The following PLEKHH2 variants were observed in gnomAD, a reference collection of about 807,000 sequenced individuals.
The protein encoded by PLEKHH2 is pleckstrin homology domain-containing family H member 2.
In PLEKHH2, 129 loss-of-function variants were observed where a neutral mutation model predicts 187.9. The observed-to-expected ratio is 0.69, with a 90% CI of 0.59 to 0.79. The LOEUF is 0.79. Among genes scored for constraint, PLEKHH2 ranks in the 30% least tolerant of loss-of-function variants. The probability of loss-of-function intolerance (pLI) is 0.00; values close to 1 mark genes in which losing one functional copy is unlikely to be tolerated. For synonymous variants in PLEKHH2, 686 were observed against 605.6 expected (o/e 1.13, Z -1.95); for missense variants, 2,076 against 1,751.2 (o/e 1.19, Z -3.31).
intron 24 of PLEKHH2, among the ~76,000 whole-genome samples, chr2:43,751,910 G>A (rs955883216): frequency 6.8e-6 from 1 of 146,826 alleles, no homozygotes; most frequent in African/African-American, 2.6e-5. Flanking sequence ...GTCCAGTATT[G>A]TTTCTCTCTC....
At chr2:43,754,828 T>C (rs1572665551) in intron 25 of PLEKHH2, among the ~76,000 whole-genome samples, 1 of 152,050 alleles carries the variant, frequency 6.6e-6, no homozygotes, top group African/African-American at 2.4e-5. Context: ...CAGATCTTTT[T>C]TCTTCAGTTC....
intron 2 of PLEKHH2, among the ~76,000 whole-genome samples, chr2:43,650,739 G>A (rs952003838): frequency 2.0e-5 from 3 of 151,214 alleles, no homozygotes; most frequent in Non-Finnish European, 4.4e-5. Context: ...TCCACCTCCC[G>A]GGTTCAAGCA....
chr2:43,681,022 C>G, intron 3 of PLEKHH2: 1 of 1,277,722 alleles, frequency 7.8e-7, no homozygotes, highest in Non-Finnish European at 1.1e-6. Flanking sequence ...CCTGTTCCCT[C>G]AGAATGCCAA....
chr2:43,763,343 T>C (rs1460385064), intron 28 of PLEKHH2, among the ~76,000 whole-genome samples: 3 of 152,214 alleles, frequency 2.0e-5, no homozygotes, highest in Admixed American at 2.0e-4. Flanking sequence ...CTGCTCAGTC[T>C]TGCAAGGTAA....
chr2:43,697,973 A>G (rs1669170111), intron 7 of PLEKHH2, among the ~76,000 whole-genome samples: 1 of 152,144 alleles, frequency 6.6e-6, no homozygotes, highest in African/African-American at 2.4e-5. Flanking sequence ...AAAAAAGAAA[A>G]AATCCATCTA....
At chr2:43,655,252 T>A (rs1249745306) in intron 2 of PLEKHH2, among the ~76,000 whole-genome samples, 1 of 151,796 alleles carries the variant, frequency 6.6e-6, no homozygotes, top group East Asian at 1.9e-4. Flanking sequence ...AACTTGAAAC[T>A]GGAATGTGGC....
At chr2:43,681,289 G>A in intron 3 of PLEKHH2, 2 of 729,880 alleles carry the variant, frequency 2.7e-6, no homozygotes, top group South Asian at 3.6e-5. Flanking sequence ...CATGCTGGCT[G>A]ACTGTAACTC....
intron 14 of PLEKHH2, chr2:43,711,939 CA>C: frequency 9.2e-7 from 1 of 1,086,266 alleles, no homozygotes; most frequent in South Asian, 2.4e-5. Flanking sequence ...CACATTTAAG[CA>C]AGAAAGGGAA....
chr2:43,693,207 G>C (rs1181077251), intron 4 of PLEKHH2, among the ~76,000 whole-genome samples: 1 of 152,154 alleles, frequency 6.6e-6, no homozygotes, highest in Non-Finnish European at 1.5e-5. Context: ...TTACAGGCAT[G>C]AGCCACCATG....
chr2:43,641,359 T>C (rs1245347564), intron 1 of PLEKHH2, among the ~76,000 whole-genome samples: 1 of 152,170 alleles, frequency 6.6e-6, no homozygotes, highest in Non-Finnish European at 1.5e-5. Flanking sequence ...GTCATGAAGA[T>C]TTATACCTCT....
intron 1 of PLEKHH2, among the ~76,000 whole-genome samples, chr2:43,639,868 G>C (rs577415041): frequency 6.6e-6 from 1 of 152,138 alleles, no homozygotes; most frequent in South Asian, 2.1e-4. Context: ...TGTTGGCCAG[G>C]CTTGTCTTGA....
chr2:43,724,332 C>T (rs966377685), intron 16 of PLEKHH2, among the ~76,000 whole-genome samples: 3 of 152,152 alleles, frequency 2.0e-5, no homozygotes, highest in Non-Finnish European at 4.4e-5. Context: ...AGCATGTAAA[C>T]GTGTGAGGTA....
chr2:43,679,301 C>G (rs960835739), intron 3 of PLEKHH2, among the ~76,000 whole-genome samples: 3 of 151,994 alleles, frequency 2.0e-5, no homozygotes, highest in Non-Finnish European at 4.4e-5. Flanking sequence ...TAAACTCTAT[C>G]AACTCCATGA....
intron 1 of PLEKHH2, among the ~76,000 whole-genome samples, chr2:43,637,892 G>C (rs1384636565): frequency 6.6e-6 from 1 of 152,244 alleles, no homozygotes; most frequent in Non-Finnish European, 1.5e-5. Context: ...ACCCTAAGGT[G>C]ACCTACCCGG....
At chr2:43,659,328 G>A (rs545054817) in intron 2 of PLEKHH2, among the ~76,000 whole-genome samples, 1 of 151,216 alleles carries the variant, frequency 6.6e-6, no homozygotes, top group East Asian at 1.9e-4. Context: ...TTCTCGCCTG[G>A]TCGTTCTTGT....
At chr2:43,722,454 G>A (rs1040159211) in intron 16 of PLEKHH2, among the ~76,000 whole-genome samples, 2 of 152,090 alleles carry the variant, frequency 1.3e-5, no homozygotes, top group African/African-American at 2.4e-5. Flanking sequence ...GCTTCACTGG[G>A]AAGCTTCAGT....
chr2:43,673,131 C>T (rs963556669), intron 2 of PLEKHH2, among the ~76,000 whole-genome samples: 5 of 152,090 alleles, frequency 3.3e-5, no homozygotes, highest in African/African-American at 1.2e-4. Context: ...CCCTCCTGTA[C>T]ACATCACCCA....
chr2:43,707,519 C>A lies in PLEKHH2; in HGVS notation c.1940C>A (p.Pro647Gln). The A allele has an allele frequency of 6.2e-7, 1 of 1,614,060 alleles. No individual in the cohort carries two copies. The highest frequency in any genetic ancestry group is 8.5e-7 in the Non-Finnish European group (1 of 1,179,984). ...TCAGACTCACGCAGTAGGAGTGGGC[C>A]AGGCAGCCCCAGAGCCATGAAACGA... ...SESDSRSRSG[P>Q]GSPRAMKRGV... The change falls in exon 11 of 30, where the codon CCA becomes CAA. Residue 647 changes from proline to glutamine, a missense_variant. Physicochemically the swap from Pro to Gln is moderately conservative, Grantham distance 76. Transcript: ENST00000282406.
At chr2:43,691,600 A>G (rs2568247) in intron 3 of PLEKHH2, among the ~76,000 whole-genome samples, 151,744 of 152,364 alleles carry the variant, frequency 1, 75,564 homozygotes, top group East Asian at 1. Context: ...GGGTTTCACC[A>G]GGGACCTGCC....
Sources: allele counts gnomAD v4.1 joint callset (sites outside exome capture counted in the v4.1 genomes callset), GRCh38; gene constraint gnomAD v4.1.1; transcripts MANE v1.5; gene names NCBI Gene and HGNC (gene_info 2026-07-23, HGNC 2026-07-21).